SEC14L2: variants seen among roughly 807,000 people sequenced by gnomAD.
The protein encoded by SEC14L2 is SEC14-like protein 2.
A neutral mutation model predicts 56.9 loss-of-function variants in SEC14L2; 50 were observed. The observed-to-expected ratio is 0.88, with a 90% CI of 0.70 to 1.11. The LOEUF (loss-of-function observed/expected upper bound fraction) is 1.11, where lower values mean the gene tolerates loss of function less well. SEC14L2 is among the 50% of genes most tolerant of loss of function. The pLI, the probability that SEC14L2 is intolerant of heterozygous loss-of-function variation, is 0.00. For missense variants in SEC14L2, 414 were observed against 500.7 expected (o/e 0.83, Z 1.65); for synonymous variants, 179 against 188.5 (o/e 0.95, Z 0.41).
chr22:30,409,340 C>G (rs1934186755), intron 6 of SEC14L2, 58 bp downstream of exon 6: 1 of 1,601,386 alleles, frequency 6.2e-7, no homozygotes, highest in Non-Finnish European at 8.6e-7. Flanking sequence ...GAGTAGACCC[C>G]TCTCCTAGGC....
Position 30,409,407 on chromosome 22 carries a change from A to C in SEC14L2, c.520-19A>C. 1.2e-6 allele frequency: 2 copies of C among 1,613,776 alleles called. No individual in the cohort carries two copies. Among genetic ancestry groups the C allele is most frequent in the Middle Eastern group, 1.6e-4 (1 of 6,062 alleles). ...AGATTCTGAGCCTGCTGGAATCAAG[A>C]GTGATTTTGTTTCCACAGTTTCTCT... On this transcript the variant is annotated intron_variant, in intron 6 of 11. Coordinates refer to ENST00000615189, the MANE Select transcript of SEC14L2 (RefSeq NM_012429.5).
chr22:30,409,094 T>C (rs770521272), intron 5 of SEC14L2, 93 bp from the exon 6 acceptor site: 3 of 1,118,446 alleles, frequency 2.7e-6, no homozygotes, highest in Middle Eastern at 2.0e-4. Flanking sequence ...CTGATTGCTC[T>C]CTGGATGCAC....
Position 30,407,566 on chromosome 22 carries a change from A to G in SEC14L2, c.386A>G (p.Glu129Gly), listed in dbSNP as rs201221611. The change falls in exon 5 of 12, where the codon GAG becomes GGG. Residue 129 changes from glutamate (E) to glycine (G), a missense_variant. Glu to Gly is a moderately conservative substitution (Grantham distance 98, BLOSUM62 -2). Coordinates refer to ENST00000615189, the MANE Select transcript of SEC14L2 (RefSeq NM_012429.5). ...CTGAGGACCAAGATGCGGGAGTGTG[A>G]GCTGCTTCTGCAAGAGTGTGCCCAC... is the stretch of plus-strand genomic sequence containing the variant. Reference protein sequence around the residue: ...DLLRTKMRECELLLQECAHQT... With the variant: ...DLLRTKMRECGLLLQECAHQT... The G allele has an allele frequency of 1.1e-4, 171 of 1,614,090 alleles. No homozygotes were observed. The highest frequency in any genetic ancestry group is 1.3e-4 in the Non-Finnish European group (158 of 1,180,014).
chr22:30,411,709 T>G (rs916017352), intron 8 of SEC14L2, among the ~76,000 whole-genome samples: 1 of 117,472 alleles, frequency 8.5e-6, no homozygotes, highest in African/African-American at 3.3e-5. Flanking sequence ...ATTGCACCAC[T>G]GCACTCCAGC....
intron 10 of SEC14L2, 41 bp from the exon 11 acceptor site, chr22:30,416,193 C>G (rs751699399): frequency 4.3e-6 from 7 of 1,609,900 alleles, no homozygotes; most frequent in South Asian, 1.1e-5. Flanking sequence ...AGAGGGCACA[C>G]ACAGACAGAA....
intron 5 of SEC14L2, 64 bp from the exon 6 acceptor site, chr22:30,409,123 G>A: frequency 2.1e-6 from 3 of 1,404,062 alleles, no homozygotes; most frequent in South Asian, 1.2e-5. Flanking sequence ...CATTTGGCCT[G>A]GACTGGAACG....
At chr22:30,409,096 T>C in intron 5 of SEC14L2, 91 bp from the exon 6 acceptor site, 1 of 1,130,356 alleles carries the variant, frequency 8.8e-7, no homozygotes, top group Non-Finnish European at 1.4e-6. Context: ...GATTGCTCTC[T>C]GGATGCACAG....
chr22:30,422,805 T>C lies in SEC14L2; in HGVS notation c.*398T>C, dbSNP rs1374301807. 1 of 168,318 alleles carries C rather than the reference T, an allele frequency of 5.9e-6. No individual in the cohort carries two copies. The highest frequency in any genetic ancestry group is 2.4e-5 in the African/African-American group (1 of 41,926). The allele number at this position is 168,318 out of a possible 1,614,324, so 10.4% of individuals were successfully genotyped here. On this transcript the variant is annotated 3_prime_UTR_variant, in exon 12 of 12. Transcript: ENST00000615189. ...TGCCGGGGAGAAACTTGCTCCTAAA[T>C]GAACACATAAGTTTAGATCGCAATG...
rs527698647 is a variant in SEC14L2, at chr22:30,422,996, A to G, written c.*589A>G. The G allele has an allele frequency of 6.6e-6, 1 of 152,602 alleles. No individual in the cohort carries two copies. Among genetic ancestry groups the G allele is most frequent in the Admixed American group, 6.5e-5 (1 of 15,272 alleles). 9.5% of individuals were successfully genotyped at this position (152,602 alleles called of 1,614,324 possible). Reference sequence around the variant, plus strand: ...CGGTAGACAGGCTGGCCTCTCCCTCACTTTGAGACTTTGGCAACTCCTGGG... The same window carrying G: ...CGGTAGACAGGCTGGCCTCTCCCTCGCTTTGAGACTTTGGCAACTCCTGGG... On this transcript the variant is annotated 3_prime_UTR_variant, in exon 12 of 12. Coordinates refer to ENST00000615189, the MANE Select transcript of SEC14L2 (RefSeq NM_012429.5).
In SEC14L2 at chr22:30,422,694, C is replaced by CG; in HGVS notation, c.*293dup. The CG allele has an allele frequency of 6.8e-6, 2 of 295,720 alleles. No individual in the cohort carries two copies. The highest frequency in any genetic ancestry group is 4.9e-5 in the Admixed American group (1 of 20,448). The allele number at this position is 295,720 out of a possible 1,614,324, so 18.3% of individuals were successfully genotyped here. ...CCAGGGACAGCGAAGCTGGGGGTGG[C>CG]GGGGGGCATGTACCACAGGGTGGCA... On this transcript the variant is annotated 3_prime_UTR_variant, in exon 12 of 12. Transcript: ENST00000615189.
rs1288948244 is a variant in SEC14L2 at position 30,415,833 on chromosome 22, G to A, written c.739G>A (p.Asp247Asn). 2.5e-6 allele frequency: 4 copies of A among 1,614,160 alleles called. No homozygotes were observed. Among genetic ancestry groups the A allele is most frequent in the Admixed American group, 1.7e-5 (1 of 60,012 alleles). Reference sequence around the variant, plus strand: ...TGTGGAGTATGGGGGCACCATGACTGACCCTGATGGAAACCCCAAGTGCAA... The same window carrying A: ...TGTGGAGTATGGGGGCACCATGACTAACCCTGATGGAAACCCCAAGTGCAA... ...VPVEYGGTMT[D>N]PDGNPKCKSK... Residue 247 changes from aspartate to asparagine, a missense_variant, in exon 9 of 12, where the codon GAC becomes AAC. Transcript: ENST00000615189.
At chr22:30,405,037 T>C (rs1276161132) in intron 2 of SEC14L2, among the ~76,000 whole-genome samples, 3 of 150,236 alleles carry the variant, frequency 2.0e-5, no homozygotes, top group African/African-American at 7.4e-5. Flanking sequence ...ACCATTACAC[T>C]CCAGCCTGGA....
intron 2 of SEC14L2, among the ~76,000 whole-genome samples, chr22:30,401,571 TG>T (rs1186262956): frequency 6.6e-6 from 1 of 151,884 alleles, no homozygotes; most frequent in Non-Finnish European, 1.5e-5. Flanking sequence ...TGGACTGCAA[TG>T]GTGCGATCTC....
intron 8 of SEC14L2, among the ~76,000 whole-genome samples, chr22:30,413,681 C>A (rs966061889): frequency 6.6e-6 from 1 of 152,064 alleles, no homozygotes; most frequent in Admixed American, 6.6e-5. Context: ...TGGTGACACA[C>A]GAGAATTGGA....
At chr22:30,401,536 CAG>C (rs1310864313) in intron 2 of SEC14L2, among the ~76,000 whole-genome samples, 1 of 142,332 alleles carries the variant, frequency 7.0e-6, no homozygotes, top group African/African-American at 2.6e-5. Flanking sequence ...TTTTTTGAGA[CAG>C]AGTCTCACTC....
chr22:30,398,599 C>A, intron 1 of SEC14L2: 1 of 433,562 alleles, frequency 2.3e-6, no homozygotes, highest in South Asian at 1.7e-5. Context: ...TTCCCGCTTC[C>A]TGGCTTCCCC....
intron 2 of SEC14L2, among the ~76,000 whole-genome samples, chr22:30,406,125 C>G (rs1045530583): frequency 4.6e-5 from 7 of 152,096 alleles, no homozygotes; most frequent in Admixed American, 1.3e-4. Flanking sequence ...CTGCCCTGAA[C>G]TTTGACCTGC....
At chr22:30,418,522 T>C (rs1490976899) in intron 11 of SEC14L2, among the ~76,000 whole-genome samples, 1 of 152,218 alleles carries the variant, frequency 6.6e-6, no homozygotes, top group Non-Finnish European at 1.5e-5. Flanking sequence ...AACATGAACC[T>C]TTTAACATAA....
intron 4 of SEC14L2, 46 bp downstream of exon 4, chr22:30,407,200 ACC>A: frequency 6.2e-7 from 1 of 1,603,388 alleles, no homozygotes; most frequent in Non-Finnish European, 8.5e-7. Flanking sequence ...GGCCTTTCAG[ACC>A]CACAACCTGG....
Sources: allele counts gnomAD v4.1 joint callset (sites outside exome capture counted in the v4.1 genomes callset), GRCh38; gene constraint gnomAD v4.1.1; transcripts MANE v1.5; gene names NCBI Gene and HGNC (gene_info 2026-07-23, HGNC 2026-07-21).